CENPF: variants seen among roughly 807,000 people sequenced by gnomAD.
CENPF encodes the protein AH antigen.
Under a neutral mutation model 307.3 loss-of-function variants are expected in CENPF, and 214 were observed. The ratio of observed to expected loss-of-function variants is 0.70; its 90% CI spans 0.62 to 0.78. The LOEUF (loss-of-function observed/expected upper bound fraction) is 0.78. Ranked by LOEUF, CENPF falls within the 30% of genes least tolerant of loss-of-function variation. The pLI is 0.00. For synonymous variants in CENPF, 1,259 were observed against 1,270.6 expected, an observed-to-expected ratio of 0.99 and a Z score of 0.19; for missense variants, 3,401 against 3,483.9, an observed-to-expected ratio of 0.98 and a Z score of 0.60.
chr1:214,644,613 T>A lies in CENPF; in HGVS notation c.5043T>A (p.Thr1681=). The A allele has an allele frequency of 1.9e-6, 3 of 1,613,602 alleles. No homozygotes were observed. Among genetic ancestry groups the A allele is most frequent in the Non-Finnish European group, 2.5e-6 (3 of 1,179,724 alleles). The change falls in exon 13 of 20, where the codon ACT becomes ACA. Residue 1681 remains threonine (T), a synonymous_variant. Coordinates refer to ENST00000366955, the MANE Select transcript of CENPF (RefSeq NM_016343.4). The stretch of plus-strand genomic sequence containing the variant: ...TATCAAAAGAACATACTTCAGAAAC[T>A]ACAGAAAGAACACCAAAGCATGATG... ...CDISKEHTSE[T]TERTPKHDVH...
intron 7 of CENPF, among the ~76,000 whole-genome samples, chr1:214,625,943 A>G (rs984318547): frequency 6.6e-6 from 1 of 152,168 alleles, no homozygotes; most frequent in Non-Finnish European, 1.5e-5. Context: ...ACTCTTAAAC[A>G]TATTTTAAAA....
rs1658255405 is a variant in CENPF, at chr1:214,645,250, A to G, written c.5680A>G (p.Lys1894Glu). The G allele has an allele frequency of 6.2e-7, 1 of 1,614,104 alleles. No individual in the cohort carries two copies. The highest frequency in any genetic ancestry group is 1.3e-5 in the African/African-American group (1 of 75,030). The part of the protein sequence containing the change: ...DNVAKVNDSW[K>E]ERFLDVENEL... The stretch of plus-strand genomic sequence containing the variant: ...TGTGGCCAAGGTGAATGACAGCTGG[A>G]AGGAGAGATTTCTTGATGTGGAAAA... Residue 1894 changes from lysine to glutamate, a missense_variant, in exon 13 of 20, where the codon AAG (lysine) becomes GAG (glutamate). By Grantham distance (56) the Lys-to-Glu change is moderately conservative (BLOSUM62 1). Transcript: ENST00000366955.
rs11120367 is a variant in CENPF, at chr1:214,618,937, A to G, written c.482-192A>G. On this transcript the variant is annotated intron_variant, in intron 4 of 19. Transcript: ENST00000366955. ...TTTCAAAGAAATTCAATTTCAGAAT[A>G]TTTAAAACACTTATGTTTTTATGTG... is the stretch of plus-strand genomic sequence containing the variant. Among the ~76,000 whole-genome samples, 8,823 of 152,258 alleles carry G rather than the reference A, an allele frequency of 0.058. 812 individuals are homozygous for G. The highest frequency in any genetic ancestry group is 0.2 in the African/African-American group (8,280 of 41,516).
Position 214,622,221 on chromosome 1 carries a change from G to A in CENPF, c.1008G>A (p.Leu336=), listed in dbSNP as rs1395005145. Residue 336 remains leucine (L), a synonymous_variant, in exon 7 of 20, where the codon TTG becomes TTA. Transcript: ENST00000366955. ...AATTAATTGAAAAAGAGAAAGTTTT[G>A]AACAAATGTAGGGATGAACTAGTGA... is the stretch of plus-strand genomic sequence containing the variant. The part of the protein sequence containing the change: ...KVELIEKEKV[L]NKCRDELVRT... 1 of 1,614,068 alleles carries A rather than the reference G, an allele frequency of 6.2e-7. No individual in the cohort carries two copies. The highest frequency in any genetic ancestry group is 1.7e-5 in the Admixed American group (1 of 60,014).
In CENPF at chr1:214,620,897, C is replaced by A. The variant is rs754938211; in HGVS notation, c.816C>A (p.Asp272Glu). 7.4e-6 allele frequency: 12 copies of A among 1,613,868 alleles called. No homozygotes were observed. The highest frequency in any genetic ancestry group is 1.0e-5 in the Non-Finnish European group (12 of 1,179,950). The change falls in exon 6 of 20, where the codon GAC becomes GAA. Residue 272 changes from aspartate (D) to glutamate (E), a missense_variant. Physicochemically the swap from Asp to Glu is conservative, Grantham distance 45. Transcript: ENST00000366955. ...GKRDANSSFF[D>E]NSSSPHLLDQ... is the part of the protein sequence containing the mutation. The stretch of plus-strand genomic sequence containing the variant: ...GAGATGCTAATAGCAGTTTCTTTGA[C>A]AATTCTAGCAGTCCTCATCTTTTGG...
At chr1:214,606,845 G>T (rs1190435333) in intron 1 of CENPF, among the ~76,000 whole-genome samples, 1 of 152,158 alleles carries the variant, frequency 6.6e-6, no homozygotes, top group African/African-American at 2.4e-5. Context: ...CCAACCACGC[G>T]GGACCCACCT....
chr1:214,607,365 G>C (rs1009135602), intron 1 of CENPF, among the ~76,000 whole-genome samples: 4 of 152,206 alleles, frequency 2.6e-5, no homozygotes, highest in Non-Finnish European at 4.4e-5. Context: ...GGCCATGGCG[G>C]GTGTGACTCT....
Position 214,622,209 on chromosome 1 carries a change from A to G in CENPF, c.996A>G (p.Lys332=). The G allele has an allele frequency of 1.2e-6, 2 of 1,614,128 alleles. No individual in the cohort carries two copies. The highest frequency in any genetic ancestry group is 1.3e-5 in the African/African-American group (1 of 75,062). Residue 332 remains lysine (K), a synonymous_variant, in exon 7 of 20, where the codon AAA becomes AAG. Coordinates refer to ENST00000366955, the MANE Select transcript of CENPF (RefSeq NM_016343.4). ...LEKAKVELIE[K]EKVLNKCRDE... is the part of the protein sequence containing the mutation. The stretch of plus-strand genomic sequence containing the variant: ...AAGCAAAAGTGGAATTAATTGAAAA[A>G]GAGAAAGTTTTGAACAAATGTAGGG...
At chr1:214,638,626 G>T (rs1052124697) in intron 11 of CENPF, among the ~76,000 whole-genome samples, 1 of 152,086 alleles carries the variant, frequency 6.6e-6, no homozygotes, top group African/African-American at 2.4e-5. Context: ...ACTCTGTCCT[G>T]TGGAATGTGT....
Position 214,647,181 on chromosome 1 carries a change from T to C in CENPF, c.7611T>C (p.Leu2537=), listed in dbSNP as rs3790649. The C allele has an allele frequency of 0.063, 102,178 of 1,613,762 alleles. 4,225 individuals are homozygous for C. The highest frequency in any genetic ancestry group is 0.15 in the South Asian group (13,435 of 91,064). ...ATCAAATTCAAGACCAAGAGCAGCTTGTCTCTAAACTGTCCCAGGTGGAAG... is the reference window on the plus strand; with the variant it reads ...ATCAAATTCAAGACCAAGAGCAGCTCGTCTCTAAACTGTCCCAGGTGGAAG... ...LKNQIQDQEQ[L]VSKLSQVEGE... The change falls in exon 13 of 20, where the codon CTT becomes CTC. Residue 2537 remains leucine (L), a synonymous_variant. Coordinates refer to ENST00000366955, the MANE Select transcript of CENPF (RefSeq NM_016343.4).
intron 1 of CENPF, chr1:214,608,309 C>G: frequency 6.3e-7 from 1 of 1,586,874 alleles, no homozygotes; most frequent in Non-Finnish European, 8.5e-7. Context: ...CAGGGTTGCC[C>G]TCACCTGGTG....
intron 3 of CENPF, 94 bp downstream of exon 3, chr1:214,615,122 T>C (rs1657300570): frequency 5.9e-6 from 5 of 853,210 alleles, no homozygotes; most frequent in South Asian, 2.5e-5. Context: ...TATTATACTT[T>C]GCAATTTTTT....
intron 4 of CENPF, among the ~76,000 whole-genome samples, 176 bp downstream of exon 4, chr1:214,618,870 A>G (rs1048553763): frequency 2.0e-5 from 3 of 152,236 alleles, no homozygotes; most frequent in Non-Finnish European, 2.9e-5. Flanking sequence ...GAGCTACTGG[A>G]TTGAGCTTTT....
In CENPF at chr1:214,660,585, A is replaced by T. The variant is rs531008240; in HGVS notation, c.9141+1557A>T. Among the ~76,000 whole-genome samples, 17 of 152,356 alleles carry T rather than the reference A, an allele frequency of 1.1e-4. 1 individual carries two copies. In the South Asian group the frequency reaches 3.1e-3, roughly 28 times the overall value. On this transcript the variant is annotated intron_variant, in intron 19 of 19. Coordinates refer to ENST00000366955, the MANE Select transcript of CENPF (RefSeq NM_016343.4). ...TCCACTGGATACTGAATACAGGAGA[A>T]GTCAGGTTTAGGGTCCCGATATGGG...
chr1:214,615,159 G>A (rs1176242410), intron 3 of CENPF, 131 bp downstream of exon 3: 1 of 555,204 alleles, frequency 1.8e-6, no homozygotes, highest in African/African-American at 1.9e-5. Flanking sequence ...TAATGATTCG[G>A]TCTCTGTACC....
chr1:214,608,965 T>C (rs1338762864), intron 1 of CENPF: 29 of 947,588 alleles, frequency 3.1e-5, no homozygotes, highest in Non-Finnish European at 3.6e-5. Context: ...CCCCCCCAGC[T>C]ACGGCCCCAG....
At chr1:214,639,625 T>A (rs1658052379) in intron 11 of CENPF, among the ~76,000 whole-genome samples, 1 of 152,300 alleles carries the variant, frequency 6.6e-6, no homozygotes, top group Non-Finnish European at 1.5e-5. Context: ...AAAGAAACAG[T>A]GCTTAGGAAA....
In CENPF at chr1:214,642,289, C is replaced by T. The variant is rs17023329; in HGVS notation, c.3951C>T (p.Leu1317=). ...TACTGCAGGCTGAAAAGTATGAACT[C>T]GTAACTGAGCTGAATGATTCAAGGT... ...CEILQAEKYE[L]VTELNDSRSE... The change falls in exon 12 of 20, where the codon CTC becomes CTT. Residue 1317 remains leucine (L), a synonymous_variant. Coordinates refer to ENST00000366955, the MANE Select transcript of CENPF (RefSeq NM_016343.4). 3.9e-4 allele frequency: 628 copies of T among 1,613,494 alleles called. 2 individuals are homozygous for T. In the East Asian group the frequency reaches 0.013, roughly 32 times the overall value.
intron 10 of CENPF, 99 bp from the exon 11 acceptor site, chr1:214,637,767 G>A: frequency 8.6e-7 from 1 of 1,165,012 alleles, no homozygotes; most frequent in South Asian, 1.7e-5. Flanking sequence ...TCCCTAGTGA[G>A]ATACACAAAC....
Sources: gnomAD v4.1 joint callset for allele counts (sites outside exome capture counted in the v4.1 genomes callset) on GRCh38, gnomAD v4.1.1 for gene constraint, MANE v1.5 for transcripts, NCBI Gene and HGNC (gene_info 2026-07-23, HGNC 2026-07-21) for gene names.